Variants in RFT1 observed in about 807,000 individuals in gnomAD.
The protein encoded by RFT1 is RFT1 glycolipid translocator homolog.
Under a neutral mutation model 62.2 loss-of-function variants are expected in RFT1, and 43 were observed. The ratio of observed to expected loss-of-function variants is 0.69; its 90% CI spans 0.54 to 0.89. The LOEUF (loss-of-function observed/expected upper bound fraction) is 0.89, where lower values mean the gene tolerates loss of function less well. Ranked by LOEUF, RFT1 falls within the 40% of genes least tolerant of loss-of-function variation. The pLI, the probability that RFT1 is intolerant of heterozygous loss-of-function variation, is 0.00. For missense variants in RFT1, 605 were observed against 649.9 expected (o/e 0.93, Z 0.75); for synonymous variants, 262 against 264.6 (o/e 0.99, Z 0.10).
rs562898334 is a variant in RFT1 at position 53,117,030 on chromosome 3, G to A, written c.696+2854C>T. ...GGAAGGCTACATAACATAGGGGTAA[G>A]CCACAGTCTAAAGCTAGTCCCCAGC... is the stretch of plus-strand genomic sequence containing the variant. On this transcript the variant is annotated intron_variant, in intron 6 of 12. Coordinates refer to ENST00000296292, the MANE Select transcript of RFT1 (RefSeq NM_052859.4). Among the ~76,000 whole-genome samples, 67 of 152,336 alleles carry A rather than the reference G, an allele frequency of 4.4e-4. 1 individual carries two copies. Among genetic ancestry groups the A allele is most frequent in the Middle Eastern group, 3.4e-3 (1 of 294 alleles).
intron 3 of RFT1, 44 bp from the exon 4 acceptor site, chr3:53,122,607 T>G (rs1175574554): frequency 4.1e-6 from 5 of 1,234,098 alleles, no homozygotes; most frequent in Non-Finnish European, 4.4e-6. Context: ...TTAAAATAAA[T>G]ATAAATATAT....
chr3:53,075,894 A>G, the RFT1 span, among the ~76,000 whole-genome samples: 3 of 152,062 alleles, frequency 2.0e-5, no homozygotes, highest in East Asian at 3.9e-4. Flanking sequence ...CTGGGAGGCA[A>G]CCTCAGCTTG....
chr3:53,097,542 CT>C (rs1367902708), intron 11 of RFT1, among the ~76,000 whole-genome samples: 1 of 152,122 alleles, frequency 6.6e-6, no homozygotes, highest in Non-Finnish European at 1.5e-5. Context: ...AAGTTGTTTC[CT>C]TTGGTTCAAT....
intron 7 of RFT1, 133 bp from the exon 8 acceptor site, chr3:53,107,002 T>C (rs1397316282): frequency 1.4e-6 from 1 of 702,192 alleles, no homozygotes; most frequent in Non-Finnish European, 2.6e-6. Context: ...TAAAGACATG[T>C]CCTTGTCCTA....
At position 53,092,578 on chromosome 3, in the gene RFT1, C is replaced by T; in HGVS notation, c.1249G>A (p.Val417Met). Residue 417 changes from valine (V) to methionine (M), a missense_variant, in exon 12 of 13, where the codon GTG becomes ATG. Val to Met is a conservative substitution (Grantham distance 21). Transcript: ENST00000296292. ...VMLALSSSFLVLSYLLTRWCG... is the reference protein window; with the variant it reads ...VMLALSSSFLMLSYLLTRWCG... Reference sequence around the variant, plus strand: ...CAACGGGTCAAGAGATAGGATAACACCAGGAATGAGGAGGACAGGGCCAGC... The same window carrying T: ...CAACGGGTCAAGAGATAGGATAACATCAGGAATGAGGAGGACAGGGCCAGC... 6.2e-7 allele frequency: 1 copy of T among 1,612,450 alleles called. No individual in the cohort carries two copies. The highest frequency in any genetic ancestry group is 8.5e-7 in the Non-Finnish European group (1 of 1,179,492).
At chr3:53,086,542 C>T (rs1262638000), downstream of RFT1, among the ~76,000 whole-genome samples, 2 of 152,156 alleles carry the variant, frequency 1.3e-5, no homozygotes, top group Non-Finnish European at 2.9e-5. Context: ...TCTCAAACTC[C>T]TGACCTCAGG....
chr3:53,099,441 G>A lies in RFT1; in HGVS notation c.1148C>T (p.Ala383Val), dbSNP rs1559583394. 6.2e-7 allele frequency: 1 copy of A among 1,614,088 alleles called. No individual in the cohort carries two copies. The highest frequency in any genetic ancestry group is 2.2e-5 in the East Asian group (1 of 44,866). Residue 383 changes from alanine (A) to valine (V), a missense_variant, in exon 11 of 13, where the codon GCC becomes GTC. Ala to Val is a moderately conservative substitution (Grantham distance 64). Transcript: ENST00000296292. ...GAAACACTCTGTCACTCCATTGATGGCAAGCAGGAGAACATAGAGACAGTA... is the reference window on the plus strand; with the variant it reads ...GAAACACTCTGTCACTCCATTGATGACAAGCAGGAGAACATAGAGACAGTA... ...RSYCLYVLLLAINGVTECFTF... is the reference protein window; with the variant it reads ...RSYCLYVLLLVINGVTECFTF...
rs770057295 is a variant in RFT1, at chr3:53,105,811, AC to A, written c.827-9del. The A allele has an allele frequency of 1.2e-6, 2 of 1,610,936 alleles. No homozygotes were observed. The highest frequency in any genetic ancestry group is 1.7e-5 in the Admixed American group (1 of 59,806). On this transcript the variant is annotated splice_polypyrimidine_tract_variant and intron_variant, in intron 8 of 12. Coordinates refer to ENST00000296292, the MANE Select transcript of RFT1 (RefSeq NM_052859.4). ...TCACTATATCATACACACCTACAAA[AC>A]AAAAAAGAAGAAACAACAATCATGT...
At chr3:53,129,750 G>A (rs895207145) in intron 1 of RFT1, among the ~76,000 whole-genome samples, 13 of 151,998 alleles carry the variant, frequency 8.6e-5, no homozygotes, top group Non-Finnish European at 1.8e-4. Flanking sequence ...ACTAAGAGCC[G>A]GGTACTGTGT....
At chr3:53,113,420 G>A (rs561794105) in intron 6 of RFT1, among the ~76,000 whole-genome samples, 24 of 152,296 alleles carry the variant, frequency 1.6e-4, no homozygotes, top group African/African-American at 5.8e-4. Flanking sequence ...TGGGAGGGGA[G>A]GGCTGAATTA....
At chr3:53,082,136 T>C in the RFT1 span, among the ~76,000 whole-genome samples, 2 of 151,520 alleles carry the variant, frequency 1.3e-5, no homozygotes, top group African/African-American at 4.8e-5. Context: ...AGAAACAGAA[T>C]CTCCCTATGT....
the RFT1 span, among the ~76,000 whole-genome samples, chr3:53,070,297 C>A: frequency 6.6e-6 from 1 of 151,566 alleles, no homozygotes; most frequent in Admixed American, 6.6e-5. Context: ...CGCCTGTAAT[C>A]CCAGCACTTT....
At chr3:53,081,699 C>T in the RFT1 span, among the ~76,000 whole-genome samples, 2 of 152,154 alleles carry the variant, frequency 1.3e-5, no homozygotes, top group African/African-American at 4.8e-5. Flanking sequence ...GGTCAAAGCC[C>T]CAACAGTCAG....
chr3:53,069,853 C>A, the RFT1 span, among the ~76,000 whole-genome samples: 2 of 152,176 alleles, frequency 1.3e-5, no homozygotes, highest in African/African-American at 4.8e-5. Context: ...ATGAGGTAAA[C>A]CCTGTGGGTT....
At chr3:53,098,045 C>A (rs959212590) in intron 11 of RFT1, among the ~76,000 whole-genome samples, 1 of 152,210 alleles carries the variant, frequency 6.6e-6, no homozygotes, top group Non-Finnish European at 1.5e-5. Flanking sequence ...AAAGCATCAG[C>A]GTGTCCTACG....
Position 53,122,382 on chromosome 3 carries a change from T to G in RFT1, c.448A>C (p.Lys150Gln), listed in dbSNP as rs867466707. ...GCAGAAGGTGCACTGACCTTGAGCT[T>G]CACAAACATATGTGCTTGTGCCAAG... ...WVLAQAHMFV[K>Q]LKVIAESLSV... The change falls in exon 4 of 13, where the codon AAG (lysine) becomes CAG (glutamine). Residue 150 changes from lysine (K) to glutamine (Q), a missense_variant. By Grantham distance (53) the Lys-to-Gln change is moderately conservative (BLOSUM62 1). Coordinates refer to ENST00000296292, the MANE Select transcript of RFT1 (RefSeq NM_052859.4). The G allele has an allele frequency of 6.2e-7, 1 of 1,613,904 alleles. No individual in the cohort carries two copies. Among genetic ancestry groups the G allele is most frequent in the Admixed American group, 1.7e-5 (1 of 60,014 alleles).
chr3:53,129,114 GA>G (rs578258292), intron 1 of RFT1, among the ~76,000 whole-genome samples: 275 of 149,442 alleles, frequency 1.8e-3, no homozygotes, highest in Admixed American at 3.4e-3. Flanking sequence ...TAGTGAAACA[GA>G]AAAAAAAAAT....
chr3:53,103,120 GC>G (rs1312309950), intron 10 of RFT1: 1 of 985,346 alleles, frequency 1.0e-6, no homozygotes, highest in Non-Finnish European at 1.2e-6. Context: ...TAGAAACCTG[GC>G]CCTTCCTCCC....
downstream of RFT1, among the ~76,000 whole-genome samples, chr3:53,087,649 T>C (rs1575475365): frequency 1.3e-5 from 2 of 152,054 alleles, no homozygotes; most frequent in East Asian, 3.9e-4. Context: ...CAGCCTCCCG[T>C]ATAGGAACTA....
Sources: allele counts gnomAD v4.1 joint callset (sites outside exome capture counted in the v4.1 genomes callset), GRCh38; gene constraint gnomAD v4.1.1; transcripts MANE v1.5; gene names NCBI Gene and HGNC (gene_info 2026-07-23, HGNC 2026-07-21).